The following SHANK2 variants were observed in gnomAD, a reference collection of about 807,000 sequenced individuals.
The protein encoded by SHANK2 is SH3 and multiple ankyrin repeat domains 2.
Under a neutral mutation model 133.7 loss-of-function variants are expected in SHANK2, and 43 were observed. The observed-to-expected ratio is 0.32, with a 90% confidence interval of 0.25 to 0.41. The LOEUF is 0.41. SHANK2 is among the 10% of genes least tolerant of loss of function. The probability of loss-of-function intolerance (pLI) is 1.00; values close to 1 mark genes in which losing one functional copy is unlikely to be tolerated. For synonymous variants in SHANK2, 1,017 were observed against 952.8 expected, an observed-to-expected ratio of 1.07 and a Z score of -1.24; for missense variants, 1,994 against 2,235.8, an observed-to-expected ratio of 0.89 and a Z score of 2.18.
rs782298210 is a variant in SHANK2, at chr11:70,486,198, G to C, written c.4095C>G (p.Pro1365=). 4.3e-6 allele frequency: 7 copies of C among 1,613,342 alleles called. No homozygotes were observed. The highest frequency in any genetic ancestry group is 3.3e-5 in the South Asian group (3 of 91,060). ...TEGALQISAA[P]EPTTVPGRTI... is the part of the protein sequence containing the mutation. The stretch of plus-strand genomic sequence containing the variant: ...TTCTGCCGGGCACGGTGGTGGGCTC[G>C]GGGGCAGCGGAGATCTGTAAAGCAC... The change falls in exon 25 of 26, where the codon CCC becomes CCG. Residue 1365 remains proline, a synonymous_variant. Coordinates refer to ENST00000601538, the MANE Select transcript of SHANK2 (RefSeq NM_012309.5). This position sits in a 1 kb window ranked among gnomAD's most constrained non-coding sequence, Gnocchi z 8.0.
At chr11:71,105,709 G>T (rs1165000955) in intron 6 of SHANK2, among the ~76,000 whole-genome samples, 1 of 151,878 alleles carries the variant, frequency 6.6e-6, no homozygotes, top group Non-Finnish European at 1.5e-5. Context: ...TGTGACGGTG[G>T]ATACAGGACA....
intron 2 of SHANK2, among the ~76,000 whole-genome samples, chr11:71,150,969 G>A (rs1351997624): frequency 2.0e-5 from 3 of 151,972 alleles, no homozygotes; most frequent in African/African-American, 7.3e-5. Flanking sequence ...AAAATCACAG[G>A]CTCCCGCCTC....
chr11:71,107,565 C>T (rs117130874), intron 6 of SHANK2, among the ~76,000 whole-genome samples: 11 of 152,248 alleles, frequency 7.2e-5, no homozygotes, highest in Middle Eastern at 3.4e-3. Context: ...TACTCAGTTC[C>T]GGGGAAAGTG....
intron 8 of SHANK2, among the ~76,000 whole-genome samples, chr11:71,085,631 A>ATATATTGT (rs1590894233): frequency 1.5e-5 from 1 of 65,822 alleles, no homozygotes; most frequent in Non-Finnish European, 2.6e-5. Flanking sequence ...ATATATTATA[A>ATATATTGT]TATATATAAT....
At chr11:71,191,594 CT>C (rs1555115448) in intron 2 of SHANK2, among the ~76,000 whole-genome samples, 12 of 152,180 alleles carry the variant, frequency 7.9e-5, no homozygotes, top group African/African-American at 2.4e-4. Flanking sequence ...CTCACTCTGT[CT>C]GTCACCCAGA....
intron 17 of SHANK2, among the ~76,000 whole-genome samples, chr11:70,518,872 A>G (rs782622703): frequency 1.3e-5 from 2 of 152,174 alleles, no homozygotes; most frequent in African/African-American, 4.8e-5. Context: ...CTGATGTTCA[A>G]CTTCTGTTGC....
rs570373349 is a variant in SHANK2 at position 70,808,091 on chromosome 11, T to C, written c.1494-920A>G. ...AGGTTCTGGAGATGGATGGTGGTGATGGCTGCACAGCACTCGAATGTATTC... is the reference window on the plus strand; with the variant it reads ...AGGTTCTGGAGATGGATGGTGGTGACGGCTGCACAGCACTCGAATGTATTC... On this transcript the variant is annotated intron_variant, in intron 12 of 25. Coordinates refer to ENST00000601538, the MANE Select transcript of SHANK2 (RefSeq NM_012309.5). Among the ~76,000 whole-genome samples, 343 of 152,306 alleles carry C rather than the reference T, an allele frequency of 2.3e-3. 1 individual carries two copies. Among genetic ancestry groups the C allele is most frequent in the Admixed American group, 7.1e-3 (108 of 15,294 alleles).
chr11:70,786,322 C>T (rs1414407622), intron 14 of SHANK2, among the ~76,000 whole-genome samples: 1 of 152,092 alleles, frequency 6.6e-6, no homozygotes, highest in African/African-American at 2.4e-5. Flanking sequence ...AGCAGATGGG[C>T]AGGGGCTGGG....
intron 14 of SHANK2, among the ~76,000 whole-genome samples, chr11:70,729,664 A>G (rs1327163763): frequency 2.7e-5 from 4 of 150,918 alleles, no homozygotes; most frequent in Admixed American, 2.0e-4. Context: ...AGCTGGGACT[A>G]CAGGTGCCCG....
At chr11:70,726,242 A>C (rs972519448) in intron 14 of SHANK2, among the ~76,000 whole-genome samples, 1 of 152,108 alleles carries the variant, frequency 6.6e-6, no homozygotes, top group Non-Finnish European at 1.5e-5. Context: ...TCTTGGAGGG[A>C]CCTGAGCTCC....
intron 9 of SHANK2, among the ~76,000 whole-genome samples, chr11:71,073,147 C>CTTTCTTTT (rs1951166746): frequency 6.4e-5 from 4 of 62,716 alleles, no homozygotes; most frequent in Admixed American, 1.6e-4. Flanking sequence ...TTTTTCTTTT[C>CTTTCTTTT]TTTTTTTTCT....
intron 9 of SHANK2, among the ~76,000 whole-genome samples, chr11:71,069,310 CACTAT>C (rs1951111197): frequency 9.9e-5 from 15 of 152,232 alleles, no homozygotes; most frequent in African/African-American, 3.6e-4. Flanking sequence ...TCACCATCAT[CACTAT>C]CAACCACCAC....
upstream of SHANK2, among the ~76,000 whole-genome samples, chr11:71,253,179 C>T (rs1405565474): frequency 6.6e-6 from 1 of 152,258 alleles, no homozygotes; most frequent in Non-Finnish European, 1.5e-5. Flanking sequence ...GCCAACGGCT[C>T]GGGTGAATCC....
intron 12 of SHANK2, among the ~76,000 whole-genome samples, chr11:70,810,603 A>G (rs1250308828): frequency 6.6e-6 from 1 of 152,196 alleles, no homozygotes; most frequent in South Asian, 2.1e-4. Flanking sequence ...GGCTCTGTGG[A>G]CGGCCTGAAC....
intron 17 of SHANK2, among the ~76,000 whole-genome samples, chr11:70,539,618 C>G (rs1554974829): frequency 7.9e-6 from 1 of 125,856 alleles, no homozygotes; most frequent in Admixed American, 8.5e-5. Flanking sequence ...GGCGGCAACT[C>G]CGGCGCTCTT....
At position 70,500,735 on chromosome 11, in the gene SHANK2, C is replaced by T. The variant is rs538612752; in HGVS notation, c.2288-145G>A. 1.1e-4 allele frequency: 112 copies of T among 1,062,282 alleles called. No individual in the cohort carries two copies. Among genetic ancestry groups the T allele is most frequent in the South Asian group, 1.6e-4 (12 of 74,244 alleles). 65.8% of individuals were successfully genotyped at this position (1,062,282 alleles called of 1,614,324 possible). On this transcript the variant is annotated intron_variant, in intron 20 of 25. Transcript: ENST00000601538. This position sits in a 1 kb window ranked among gnomAD's most constrained non-coding sequence, Gnocchi z 4.5. ...CAGGCAGGGGCTGTCTGGAACGCTG[C>T]GAACGCAGGCTGCGCTATCCATGGA...
rs377115939 is a variant in SHANK2 at position 71,227,836 on chromosome 11, C to CCTA, written c.-112-3043_-112-3041dup. Among the ~76,000 whole-genome samples the CCTA allele has an allele frequency of 3.2e-3, 480 of 151,960 alleles. 3 individuals are homozygous for CCTA. The highest frequency in any genetic ancestry group is 0.011 in the African/African-American group (461 of 41,472). On this transcript the variant is annotated intron_variant, in intron 1 of 25. Transcript: ENST00000601538. The stretch of plus-strand genomic sequence containing the variant: ...ACAATCTCAAATCAAATTCTAAGTT[C>CCTA]CTACCTCAAGAAGCTAGCAAAAGGA...
rs186322142 is a variant in SHANK2, at chr11:71,217,211, A to T, written c.-13+7486T>A. The stretch of plus-strand genomic sequence containing the variant: ...AAACTCCGTCTCAAAATAAAATAAG[A>T]GAGTAAACTAGGGGCCAGGTGCAGT... On this transcript the variant is annotated intron_variant, in intron 2 of 25. Coordinates refer to ENST00000601538, the MANE Select transcript of SHANK2 (RefSeq NM_012309.5). 1.6e-4 allele frequency among the ~76,000 whole-genome samples: 23 copies of T among 145,356 alleles called. No homozygotes were observed. The East Asian group carries it at 4.9e-3, about 31-fold the overall frequency.
chr11:70,617,494 C>CGG (rs1554996430), intron 17 of SHANK2, among the ~76,000 whole-genome samples: 5 of 151,816 alleles, frequency 3.3e-5, no homozygotes, highest in Non-Finnish European at 7.4e-5. Flanking sequence ...TTTGTCAAAA[C>CGG]GGGCAGTCAG....
Sources: allele counts gnomAD v4.1 joint callset (sites outside exome capture counted in the v4.1 genomes callset), GRCh38; gene constraint gnomAD v4.1.1; non-coding constraint Gnocchi (gnomAD v3.1); transcripts MANE v1.5; gene names NCBI Gene and HGNC (gene_info 2026-07-23, HGNC 2026-07-21).